GRB14: variants seen among roughly 807,000 people sequenced by gnomAD.
GRB14 encodes growth factor receptor bound protein 14.
A neutral mutation model predicts 69.1 loss-of-function variants in GRB14; 38 were observed. The observed-to-expected ratio is 0.55, with a 90% CI of 0.42 to 0.72. The LOEUF (loss-of-function observed/expected upper bound fraction) is 0.72, where lower values mean the gene tolerates loss of function less well. Among genes scored for constraint, GRB14 ranks in the 30% least tolerant of loss-of-function variants. The pLI is 0.00. For missense variants in GRB14, 666 were observed against 666.1 expected, an observed-to-expected ratio of 1.00 and a Z score of 0.00; for synonymous variants, 247 against 241.3, an observed-to-expected ratio of 1.02 and a Z score of -0.22.
chr2:164,620,330 T>C (rs551725485), intron 1 of GRB14, among the ~76,000 whole-genome samples: 26 of 152,150 alleles, frequency 1.7e-4, no homozygotes, highest in Non-Finnish European at 3.2e-4. Context: ...CTGTGGTTCA[T>C]CTCACTTCAA....
chr2:164,600,454 G>A (rs988224902), intron 2 of GRB14, among the ~76,000 whole-genome samples: 2 of 152,114 alleles, frequency 1.3e-5, no homozygotes, highest in African/African-American at 4.8e-5. Flanking sequence ...TTCTGTAGGA[G>A]AAATGTCATT....
chr2:164,547,928 T>C (rs987055288), intron 2 of GRB14, 112 bp from the exon 3 acceptor site: 10 of 630,994 alleles, frequency 1.6e-5, no homozygotes, highest in Non-Finnish European at 2.5e-5. Context: ...TATATATAAA[T>C]AAATAGCAAA....
chr2:164,525,055 T>C lies in GRB14; in HGVS notation c.627A>G (p.Val209=), dbSNP rs776105738. ...NPMYFFPEHM[V]SFATETNGEI... is the part of the protein sequence containing the mutation. ...CACCATTGGTTTCAGTTGCAAAAGA[T>C]ACCATATGCTCTGGAAAAAAATACT... The change falls in exon 5 of 14, where the codon GTA becomes GTG. Residue 209 remains valine, a synonymous_variant. Transcript: ENST00000263915. The C allele has an allele frequency of 4.2e-5, 67 of 1,588,508 alleles. 1 individual carries two copies. In the South Asian group the frequency reaches 6.9e-4, roughly 16 times the overall value.
intron 6 of GRB14, among the ~76,000 whole-genome samples, chr2:164,511,523 GC>G (rs1264749406): frequency 6.6e-6 from 1 of 152,146 alleles, no homozygotes; most frequent in Non-Finnish European, 1.5e-5. Flanking sequence ...GGAACCCACT[GC>G]CTTGAAGGGA....
intron 2 of GRB14, among the ~76,000 whole-genome samples, chr2:164,579,832 T>G (rs967927202): frequency 7.2e-5 from 11 of 152,178 alleles, no homozygotes; most frequent in Non-Finnish European, 4.4e-5. Context: ...AATCTTGATC[T>G]CTAGGAAGGA....
chr2:164,603,346 AAG>A (rs1689967282), intron 2 of GRB14, among the ~76,000 whole-genome samples: 1 of 152,124 alleles, frequency 6.6e-6, no homozygotes, highest in Non-Finnish European at 1.5e-5. Flanking sequence ...TCAAAAACCC[AAG>A]TGTGTAAAGT....
chr2:164,556,488 C>T (rs1481407620), intron 2 of GRB14, among the ~76,000 whole-genome samples: 1 of 152,212 alleles, frequency 6.6e-6, no homozygotes, highest in Non-Finnish European at 1.5e-5. Context: ...GTTTATTCCA[C>T]ATCCTTGTAC....
chr2:164,535,146 A>C (rs1452001639), intron 3 of GRB14, among the ~76,000 whole-genome samples: 1 of 152,132 alleles, frequency 6.6e-6, no homozygotes, highest in Admixed American at 6.5e-5. Flanking sequence ...TCAAAACAAA[A>C]ACAAAAATTT....
At chr2:164,545,867 T>C (rs1688360453) in intron 3 of GRB14, among the ~76,000 whole-genome samples, 1 of 152,226 alleles carries the variant, frequency 6.6e-6, no homozygotes, top group South Asian at 2.1e-4. Flanking sequence ...ACTAAAAGAA[T>C]ATTTTTAAGC....
chr2:164,541,824 T>C (rs1204846471), intron 3 of GRB14, among the ~76,000 whole-genome samples: 3 of 152,146 alleles, frequency 2.0e-5, no homozygotes, highest in African/African-American at 4.8e-5. Context: ...GTGAGCACAG[T>C]ACTCGACAGT....
chr2:164,559,125 G>A (rs1201332533), intron 2 of GRB14, among the ~76,000 whole-genome samples: 2 of 151,944 alleles, frequency 1.3e-5, no homozygotes, highest in Non-Finnish European at 2.9e-5. Flanking sequence ...AACCTTCCCA[G>A]GACATTTGGG....
At chr2:164,517,151 A>G (rs1687513248) in intron 6 of GRB14, among the ~76,000 whole-genome samples, 1 of 152,160 alleles carries the variant, frequency 6.6e-6, no homozygotes, top group African/African-American at 2.4e-5. Context: ...ATCACAGCAG[A>G]AGGTGAAAGG....
intron 1 of GRB14, 139 bp downstream of exon 1, chr2:164,620,980 C>A (rs984573088): frequency 3.0e-5 from 20 of 659,376 alleles, no homozygotes; most frequent in Admixed American, 4.4e-5. Flanking sequence ...TAGGAGCCAG[C>A]TCAAAGGGGA....
rs113596262 is a variant in GRB14 at position 164,516,948 on chromosome 2, C to A, written c.816+5032G>T. On this transcript the variant is annotated intron_variant, in intron 6 of 13. Transcript: ENST00000263915. ...CTGAGGCAGAAGAATCACTTGAACCCAGGAGGTGGAGGTTGCATGAGCCGA... is the reference window on the plus strand; with the variant it reads ...CTGAGGCAGAAGAATCACTTGAACCAAGGAGGTGGAGGTTGCATGAGCCGA... Among the ~76,000 whole-genome samples, 1,178 of 152,200 alleles carry A rather than the reference C, an allele frequency of 7.7e-3. 11 individuals carry two copies. Among genetic ancestry groups the A allele is most frequent in the African/African-American group, 0.027 (1,123 of 41,524 alleles).
intron 6 of GRB14, among the ~76,000 whole-genome samples, chr2:164,512,219 G>A (rs1687357769): frequency 6.6e-6 from 1 of 152,190 alleles, no homozygotes; most frequent in East Asian, 1.9e-4. Flanking sequence ...CAGGCTGGAG[G>A]GCAATGGCGT....
At chr2:164,540,381 C>T (rs934233758) in intron 3 of GRB14, among the ~76,000 whole-genome samples, 2 of 152,048 alleles carry the variant, frequency 1.3e-5, no homozygotes, top group Non-Finnish European at 2.9e-5. Context: ...GAGTCCGAGG[C>T]GGGTGGATCA....
At chr2:164,531,183 G>A (rs1167828162) in intron 3 of GRB14, among the ~76,000 whole-genome samples, 1 of 152,146 alleles carries the variant, frequency 6.6e-6, no homozygotes, top group Non-Finnish European at 1.5e-5. Context: ...CAAACTGGAG[G>A]GACATCCAGT....
Position 164,608,138 on chromosome 2 carries a change from G to A in GRB14, c.324+11549C>T, listed in dbSNP as rs150216160. Among the ~76,000 whole-genome samples, 53 of 152,232 alleles carry A rather than the reference G, an allele frequency of 3.5e-4. No homozygotes were observed. In the East Asian group the frequency reaches 8.1e-3, roughly 23 times the overall value. On this transcript the variant is annotated intron_variant, in intron 2 of 13. Coordinates refer to ENST00000263915, the MANE Select transcript of GRB14 (RefSeq NM_004490.3). ...TGTAATCCCAGTACTTTGGGAGGCC[G>A]AGGCGGGCAGATCAACTGAGGTCAG...
intron 6 of GRB14, among the ~76,000 whole-genome samples, chr2:164,513,775 AAG>A (rs933150560): frequency 5.8e-4 from 88 of 152,334 alleles, no homozygotes; most frequent in African/African-American, 2.0e-3. Context: ...CCAGAGAAAA[AAG>A]ACAGTTTAAC....
Sources: allele counts gnomAD v4.1 joint callset (sites outside exome capture counted in the v4.1 genomes callset), GRCh38; gene constraint gnomAD v4.1.1; transcripts MANE v1.5; gene names NCBI Gene and HGNC (gene_info 2026-07-23, HGNC 2026-07-21).